Variants in GRM5 observed in about 807,000 individuals in gnomAD.
GRM5 encodes the protein glutamate metabotropic receptor 5, also known as metabotropic glutamate receptor 5.
A neutral mutation model predicts 83.1 loss-of-function variants in GRM5; 19 were observed. The ratio of observed to expected loss-of-function variants is 0.23; its 90% CI spans 0.16 to 0.34. GRM5 has a LOEUF of 0.34. Ranked by LOEUF, GRM5 falls within the 10% of genes least tolerant of loss-of-function variation. The pLI, the probability that GRM5 is intolerant of heterozygous loss-of-function variation, is 1.00. For missense variants in GRM5, 1,160 were observed against 1,588.3 expected (o/e 0.73, Z 4.58); for synonymous variants, 675 against 633.6 (o/e 1.07, Z -0.98).
intron 2 of GRM5, among the ~76,000 whole-genome samples, chr11:88,858,692 A>T (rs1198898033): frequency 2.0e-5 from 3 of 152,124 alleles, no homozygotes; most frequent in East Asian, 3.9e-4. Flanking sequence ...ACATGTATCT[A>T]CTCCCTCCAG....
At chr11:88,631,717 T>C (rs1439031030) in intron 4 of GRM5, among the ~76,000 whole-genome samples, 2 of 152,134 alleles carry the variant, frequency 1.3e-5, no homozygotes, top group Admixed American at 1.3e-4. Flanking sequence ...TCTGAGAGAC[T>C]GGGAGAGAAT....
chr11:88,555,583 T>G (rs139328101), intron 8 of GRM5, among the ~76,000 whole-genome samples: 2 of 152,070 alleles, frequency 1.3e-5, no homozygotes, highest in Non-Finnish European at 2.9e-5. Flanking sequence ...CATAAATAAA[T>G]GAAAGAAACA....
intron 8 of GRM5, among the ~76,000 whole-genome samples, chr11:88,532,527 G>T (rs1348973420): frequency 6.6e-6 from 1 of 152,098 alleles, no homozygotes; most frequent in East Asian, 1.9e-4. Flanking sequence ...CATAAACATG[G>T]AAGTGCAGAG....
intron 3 of GRM5, among the ~76,000 whole-genome samples, chr11:88,848,408 A>G (rs1944333430): frequency 6.6e-6 from 1 of 152,188 alleles, no homozygotes; most frequent in African/African-American, 2.4e-5. Flanking sequence ...CTGATCACAG[A>G]CGGTCAGTTA....
chr11:88,721,808 G>A (rs534129007), intron 3 of GRM5, among the ~76,000 whole-genome samples: 1 of 152,072 alleles, frequency 6.6e-6, no homozygotes, highest in Non-Finnish European at 1.5e-5. Context: ...CTCTTTTACT[G>A]AAATCATCAA....
At chr11:88,834,925 C>T (rs528609291) in intron 3 of GRM5, among the ~76,000 whole-genome samples, 5 of 152,246 alleles carry the variant, frequency 3.3e-5, no homozygotes, top group African/African-American at 1.2e-4. Flanking sequence ...CTGCCTTTTA[C>T]TTAGGCTGAC....
intron 2 of GRM5, among the ~76,000 whole-genome samples, chr11:88,918,354 C>T (rs544447988): frequency 7.8e-4 from 118 of 151,992 alleles, no homozygotes; most frequent in African/African-American, 2.7e-3. Context: ...GTGGGTGCAG[C>T]GCACCAGCAT....
At chr11:88,888,558 C>T (rs1945084665) in intron 2 of GRM5, among the ~76,000 whole-genome samples, 1 of 152,096 alleles carries the variant, frequency 6.6e-6, no homozygotes, top group Admixed American at 6.6e-5. Flanking sequence ...CCTTAAAATG[C>T]TTGGCTTACA....
intron 5 of GRM5, among the ~76,000 whole-genome samples, chr11:88,600,312 C>T (rs1591373819): frequency 7.1e-6 from 1 of 140,732 alleles, no homozygotes. Context: ...CCCTCTCCCT[C>T]CCCTTCCCTC....
chr11:88,783,383 T>C (rs1246773503), intron 3 of GRM5, among the ~76,000 whole-genome samples: 2 of 152,132 alleles, frequency 1.3e-5, no homozygotes, highest in Non-Finnish European at 2.9e-5. Flanking sequence ...ATTTTATCAC[T>C]CTAGATGTTA....
At chr11:88,992,946 C>A (rs1940033946) in intron 2 of GRM5, among the ~76,000 whole-genome samples, 1 of 151,692 alleles carries the variant, frequency 6.6e-6, no homozygotes, top group South Asian at 2.1e-4. Context: ...AGCACACCAA[C>A]ATGGCACATG....
intron 3 of GRM5, among the ~76,000 whole-genome samples, chr11:88,761,848 A>G (rs1942524333): frequency 6.6e-6 from 1 of 151,952 alleles, no homozygotes; most frequent in South Asian, 2.1e-4. Flanking sequence ...ACTGGTACAC[A>G]GACACATAGA....
At chr11:88,743,193 C>A (rs1249268129) in intron 3 of GRM5, among the ~76,000 whole-genome samples, 2 of 152,040 alleles carry the variant, frequency 1.3e-5, no homozygotes, top group East Asian at 1.9e-4. Context: ...GGGTGATGGA[C>A]CATCTCACTT....
At chr11:89,052,090 A>G (rs923049026) in intron 1 of GRM5, among the ~76,000 whole-genome samples, 2 of 152,202 alleles carry the variant, frequency 1.3e-5, no homozygotes, top group Non-Finnish European at 2.9e-5. Context: ...TAGCACATAA[A>G]CACGTGAGGG....
chr11:89,023,875 A>G (rs1941056926), intron 2 of GRM5, among the ~76,000 whole-genome samples: 1 of 148,888 alleles, frequency 6.7e-6, no homozygotes, highest in Non-Finnish European at 1.5e-5. Context: ...ATAAATAAAT[A>G]AATAAATAAA....
chr11:88,559,064 A>G (rs1188603901), intron 8 of GRM5, among the ~76,000 whole-genome samples: 5 of 152,106 alleles, frequency 3.3e-5, no homozygotes, highest in Non-Finnish European at 7.4e-5. Flanking sequence ...TACATAATAA[A>G]AATAAGTCAG....
At chr11:88,754,336 C>G (rs1942351418) in intron 3 of GRM5, among the ~76,000 whole-genome samples, 1 of 152,016 alleles carries the variant, frequency 6.6e-6, no homozygotes, top group Admixed American at 6.6e-5. Flanking sequence ...GGCTTATTAC[C>G]TAGGTGATGG....
intron 4 of GRM5, among the ~76,000 whole-genome samples, chr11:88,632,407 A>AT (rs1234357471): frequency 1.3e-5 from 2 of 151,480 alleles, no homozygotes; most frequent in Admixed American, 6.6e-5. Context: ...CAATGTTTCT[A>AT]TTTTTTTGTA....
intron 3 of GRM5, among the ~76,000 whole-genome samples, chr11:88,831,242 G>A (rs1311889345): frequency 6.6e-6 from 1 of 152,162 alleles, no homozygotes; most frequent in Non-Finnish European, 1.5e-5. Flanking sequence ...CAGATGCTAT[G>A]GCCAATGCCA....
Sources: gnomAD v4.1 joint callset for allele counts (sites outside exome capture counted in the v4.1 genomes callset) on GRCh38, gnomAD v4.1.1 for gene constraint, MANE v1.5 for transcripts, NCBI Gene and HGNC (gene_info 2026-07-23, HGNC 2026-07-21) for gene names.